Variants in ERI3 observed in about 807,000 individuals in gnomAD.
ERI3 encodes ERI1 exoribonuclease 3.
ERI3 carries 18 observed loss-of-function variants against 44.4 expected under a neutral mutation model. The observed-to-expected ratio is 0.41, with a 90% CI of 0.28 to 0.60. The LOEUF is 0.60. ERI3 is among the 20% of genes least tolerant of loss of function. The pLI, the probability that ERI3 is intolerant of heterozygous loss-of-function variation, is 0.36. For synonymous variants in ERI3, 183 were observed against 164.8 expected, an observed-to-expected ratio of 1.11 and a Z score of -0.84; for missense variants, 294 against 435.5, an observed-to-expected ratio of 0.68 and a Z score of 2.89.
intron 8 of ERI3, among the ~76,000 whole-genome samples, chr1:44,247,440 G>A (rs950711897): frequency 1.3e-5 from 2 of 152,162 alleles, no homozygotes; most frequent in African/African-American, 2.4e-5. Flanking sequence ...CTGCTCCTGC[G>A]GGGGAGTCAA....
chr1:44,308,363 A>C lies in ERI3; in HGVS notation c.705T>G (p.Asp235Glu), dbSNP rs752924404. 3.1e-6 allele frequency: 5 copies of C among 1,614,204 alleles called. No homozygotes were observed. Among genetic ancestry groups the C allele is most frequent in the Non-Finnish European group, 4.2e-6 (5 of 1,180,018 alleles). Residue 235 changes from aspartate (D) to glutamate (E), a missense_variant, in exon 6 of 9, where the codon GAT (aspartate) becomes GAG (glutamate). This residue lies in a region of ERI3 where 187 missense variants were observed against 338.6 expected (regional missense o/e 0.55). Coordinates refer to ENST00000372257, the MANE Select transcript of ERI3 (RefSeq NM_024066.3). ...DEWMAKEGLL[D>E]PNVKSIFVTC... The stretch of plus-strand genomic sequence containing the variant: ...TGACAAAAATTGACTTGACGTTTGG[A>C]TCTAAGAGGCCTTCCTTCGCCATCC...
intron 7 of ERI3, among the ~76,000 whole-genome samples, chr1:44,260,443 C>T (rs1453669100): frequency 6.6e-6 from 1 of 152,202 alleles, no homozygotes; most frequent in Non-Finnish European, 1.5e-5. Flanking sequence ...TGGGAAGGGG[C>T]TGGAGACCAA....
chr1:44,354,678 G>A, intron 1 of ERI3: 2 of 985,380 alleles, frequency 2.0e-6, no homozygotes, highest in South Asian at 4.7e-5. Flanking sequence ...AGTAATCCCA[G>A]TAAGTCAACC....
chr1:44,342,857 A>T lies in ERI3; in HGVS notation c.212-3535T>A, dbSNP rs12718446. Among the ~76,000 whole-genome samples the T allele has an allele frequency of 7.5e-3, 143 of 19,162 alleles. 2 individuals carry two copies. The highest frequency in any genetic ancestry group is 0.012 in the African/African-American group (61 of 4,964). 12.6% of individuals were successfully genotyped at this position (19,162 alleles called of 152,430 possible). On this transcript the variant is annotated intron_variant, in intron 2 of 8. Coordinates refer to ENST00000372257, the MANE Select transcript of ERI3 (RefSeq NM_024066.3). Reference sequence around the variant, plus strand: ...TATATATATATATATATATATATATATTTTTTTTTTTTTTTTTTTTTTTTT... The same window carrying T: ...TATATATATATATATATATATATATTTTTTTTTTTTTTTTTTTTTTTTTTT...
At chr1:44,315,736 C>T (rs1646074602) in intron 4 of ERI3, among the ~76,000 whole-genome samples, 1 of 152,242 alleles carries the variant, frequency 6.6e-6, no homozygotes, top group Admixed American at 6.5e-5. Context: ...GGGGCTTGAG[C>T]AGTTGGCTCA....
Position 44,221,800 on chromosome 1 carries a change from G to A in ERI3, c.932-160C>T, listed in dbSNP as rs972351312. 1.3e-5 allele frequency among the ~76,000 whole-genome samples: 2 copies of A among 152,196 alleles called. No homozygotes were observed. Among genetic ancestry groups the A allele is most frequent in the Non-Finnish European group, 2.9e-5 (2 of 68,046 alleles). On this transcript the variant is annotated intron_variant, in intron 8 of 8. Transcript: ENST00000372257. This position sits in a 1 kb window ranked among gnomAD's most constrained non-coding sequence, Gnocchi z 5.9. ...CCTGGTGGCAGCATTCCTAGCTTCA[G>A]GTTGGTCTGGGTGATGCTGGGCCGG... is the stretch of plus-strand genomic sequence containing the variant.
intron 4 of ERI3, among the ~76,000 whole-genome samples, chr1:44,317,944 G>A (rs926246756): frequency 1.3e-5 from 2 of 152,216 alleles, no homozygotes; most frequent in African/African-American, 4.8e-5. Context: ...CAAAATGGCA[G>A]ACCCGGTGCC....
intron 6 of ERI3, among the ~76,000 whole-genome samples, chr1:44,303,935 T>A (rs528344634): frequency 6.6e-6 from 1 of 151,958 alleles, no homozygotes; most frequent in African/African-American, 2.4e-5. Context: ...GCAGTAGGGA[T>A]GGGAAGAAAG....
intron 8 of ERI3, among the ~76,000 whole-genome samples, chr1:44,240,746 C>T (rs946996258): frequency 2.0e-5 from 3 of 152,200 alleles, no homozygotes; most frequent in African/African-American, 7.2e-5. Context: ...CCCCTCTCTG[C>T]AGGCCACAGG....
intron 5 of ERI3, among the ~76,000 whole-genome samples, chr1:44,309,809 C>A (rs936545212): frequency 4.3e-4 from 66 of 152,116 alleles, no homozygotes; most frequent in Admixed American, 1.4e-3. Flanking sequence ...ATGATCTGCC[C>A]GCCTCGGCCT....
At chr1:44,260,514 T>A (rs1355933498) in intron 7 of ERI3, among the ~76,000 whole-genome samples, 1 of 152,144 alleles carries the variant, frequency 6.6e-6, no homozygotes, top group East Asian at 1.9e-4. Flanking sequence ...AAGGACGTGA[T>A]CAGAGCCACA....
intron 3 of ERI3, among the ~76,000 whole-genome samples, chr1:44,326,864 G>A (rs1361299890): frequency 1.3e-5 from 2 of 152,180 alleles, no homozygotes; most frequent in Non-Finnish European, 2.9e-5. Flanking sequence ...TTTGAGGAGA[G>A]TATGGGTGCA....
At chr1:44,354,165 G>T in intron 1 of ERI3, 3 of 985,404 alleles carry the variant, frequency 3.0e-6, no homozygotes, top group Non-Finnish European at 3.6e-6. Context: ...AGTTTGAATA[G>T]CGTACACTCT....
intron 3 of ERI3, among the ~76,000 whole-genome samples, chr1:44,331,417 C>T (rs1646427100): frequency 6.6e-6 from 1 of 152,050 alleles, no homozygotes; most frequent in Non-Finnish European, 1.5e-5. Context: ...GAGGTATCAG[C>T]CTCCTGATAA....
At chr1:44,310,971 A>AGTG (rs1645957485) in intron 5 of ERI3, among the ~76,000 whole-genome samples, 1 of 99,178 alleles carries the variant, frequency 1.0e-5, no homozygotes, top group Non-Finnish European at 2.2e-5. Flanking sequence ...GCGCACACAC[A>AGTG]CACACACACA....
chr1:44,229,631 C>T (rs1008357810), intron 8 of ERI3, among the ~76,000 whole-genome samples: 2 of 152,186 alleles, frequency 1.3e-5, no homozygotes, highest in East Asian at 1.9e-4. Context: ...ACCATCAGTG[C>T]GGCCTGGGCA....
chr1:44,336,398 G>A (rs991699616), intron 3 of ERI3, among the ~76,000 whole-genome samples: 1 of 152,180 alleles, frequency 6.6e-6, no homozygotes, highest in East Asian at 1.9e-4. Context: ...TCCTGAAGGT[G>A]GTCTGATGGG....
intron 6 of ERI3, among the ~76,000 whole-genome samples, chr1:44,294,815 T>A (rs1288836812): frequency 6.6e-6 from 1 of 152,260 alleles, no homozygotes; most frequent in Admixed American, 6.5e-5. Flanking sequence ...GTCTCCAAGA[T>A]AACTCACTCA....
At chr1:44,234,170 C>A (rs1644252085) in intron 8 of ERI3, among the ~76,000 whole-genome samples, 1 of 152,100 alleles carries the variant, frequency 6.6e-6, no homozygotes, top group South Asian at 2.1e-4. Context: ...CCTCCTGGAG[C>A]TTTAATTACC....
Sources: allele counts gnomAD v4.1 joint callset (sites outside exome capture counted in the v4.1 genomes callset), GRCh38; gene constraint gnomAD v4.1.1; regional missense constraint gnomAD v4.1.1; non-coding constraint Gnocchi (gnomAD v3.1); transcripts MANE v1.5; gene names NCBI Gene and HGNC (gene_info 2026-07-23, HGNC 2026-07-21).